TMCC1: variants seen among roughly 807,000 people sequenced by gnomAD.
TMCC1 encodes the protein transmembrane and coiled-coil domain family 1.
TMCC1 carries 15 observed loss-of-function variants against 52.4 expected under a neutral mutation model. The ratio of observed to expected loss-of-function variants is 0.29; its 90% CI spans 0.19 to 0.44. TMCC1 has a LOEUF of 0.44. Ranked by LOEUF, TMCC1 falls within the 20% of genes least tolerant of loss-of-function variation. The probability of loss-of-function intolerance (pLI) is 1.00; values close to 1 mark genes in which losing one functional copy is unlikely to be tolerated. For missense variants in TMCC1, 503 were observed against 806.0 expected (o/e 0.62, Z 4.55); for synonymous variants, 279 against 301.9 (o/e 0.92, Z 0.79).
chr3:129,688,122 A>G, intron 4 of TMCC1: 2 of 982,976 alleles, frequency 2.0e-6, no homozygotes, highest in Non-Finnish European at 2.4e-6. Context: ...AATTCCATAC[A>G]GCTGATATAG....
At chr3:129,841,400 A>G (rs1382467645) in intron 2 of TMCC1, among the ~76,000 whole-genome samples, 1 of 152,202 alleles carries the variant, frequency 6.6e-6, no homozygotes, top group African/African-American at 2.4e-5. Flanking sequence ...CAATCTGGCC[A>G]ATATGGTGAA....
chr3:129,853,363 A>ACCTGT (rs543758219), intron 2 of TMCC1, among the ~76,000 whole-genome samples: 151 of 152,296 alleles, frequency 9.9e-4, no homozygotes, highest in African/African-American at 3.4e-3. Flanking sequence ...GATGGCTCAT[A>ACCTGT]CCTGTAATTC....
At chr3:129,843,285 T>C (rs764201110) in intron 2 of TMCC1, among the ~76,000 whole-genome samples, 11 of 151,886 alleles carry the variant, frequency 7.2e-5, no homozygotes, top group Non-Finnish European at 1.6e-4. Context: ...AGGCGGAGCT[T>C]GCAGTGAGCC....
intron 2 of TMCC1, among the ~76,000 whole-genome samples, chr3:129,835,671 T>A (rs2059127273): frequency 6.6e-6 from 1 of 152,156 alleles, no homozygotes; most frequent in African/African-American, 2.4e-5. Context: ...AAATCCAAAG[T>A]GCAGAACCAT....
chr3:129,872,089 A>T (rs1374448760), intron 2 of TMCC1, among the ~76,000 whole-genome samples: 3 of 152,252 alleles, frequency 2.0e-5, no homozygotes, highest in Non-Finnish European at 4.4e-5. Flanking sequence ...CCTTTTCTTC[A>T]GAGCACCAGT....
chr3:129,834,282 T>C (rs562266420), intron 2 of TMCC1, among the ~76,000 whole-genome samples: 1 of 152,260 alleles, frequency 6.6e-6, no homozygotes, highest in South Asian at 2.1e-4. Flanking sequence ...AGATGGACCA[T>C]ACTGGTGGAT....
chr3:129,723,383 C>A (rs1274463313), intron 4 of TMCC1, among the ~76,000 whole-genome samples: 1 of 133,024 alleles, frequency 7.5e-6, no homozygotes, highest in African/African-American at 2.9e-5. Context: ...TTTTTTTGGC[C>A]ACCTAGATCC....
chr3:129,743,935 TA>T (rs748095065), intron 4 of TMCC1, among the ~76,000 whole-genome samples: 415 of 141,274 alleles, frequency 2.9e-3, no homozygotes, highest in Middle Eastern at 7.1e-3. Context: ...TGCACTTGTT[TA>T]AAAAAAAAAA....
In TMCC1 at chr3:129,758,784, A is replaced by T. The variant is rs149320640; in HGVS notation, c.576+69019T>A. Among the ~76,000 whole-genome samples, 875 of 152,272 alleles carry T rather than the reference A, an allele frequency of 5.7e-3. 8 individuals are homozygous for T. Among genetic ancestry groups the T allele is most frequent in the Middle Eastern group, 0.014 (4 of 294 alleles). On this transcript the variant is annotated intron_variant, in intron 4 of 6. Coordinates refer to ENST00000393238, the MANE Select transcript of TMCC1 (RefSeq NM_001017395.5). ...GCAAACAGAGTTCTGGAATTTTCTC[A>T]TCTTACAAAACTGAAACTCTATACC... is the stretch of plus-strand genomic sequence containing the variant.
intron 4 of TMCC1, among the ~76,000 whole-genome samples, chr3:129,789,644 C>T (rs981950384): frequency 6.6e-6 from 1 of 152,124 alleles, no homozygotes; most frequent in African/African-American, 2.4e-5. Flanking sequence ...CCATGCCCGG[C>T]TAATTTTTTG....
intron 2 of TMCC1, among the ~76,000 whole-genome samples, chr3:129,873,289 G>A (rs1254694313): frequency 1.3e-5 from 2 of 151,286 alleles, no homozygotes; most frequent in Non-Finnish European, 2.9e-5. Context: ...ACTAACACTG[G>A]TTGTCTTAAT....
chr3:129,792,387 A>T (rs764054184), intron 4 of TMCC1, among the ~76,000 whole-genome samples: 1 of 151,854 alleles, frequency 6.6e-6, no homozygotes, highest in Non-Finnish European at 1.5e-5. Context: ...TCGCTCTGTC[A>T]CCCAGGCTGG....
At chr3:129,758,635 G>T (rs1325195633) in intron 4 of TMCC1, among the ~76,000 whole-genome samples, 2 of 152,132 alleles carry the variant, frequency 1.3e-5, no homozygotes, top group African/African-American at 2.4e-5. Flanking sequence ...TTCCTTTTAT[G>T]TCTTCCCAAA....
Position 129,828,467 on chromosome 3 carries a change from G to C in TMCC1, c.-89C>G. The C allele has an allele frequency of 7.9e-7, 1 of 1,268,066 alleles. No homozygotes were observed. The highest frequency in any genetic ancestry group is 1.4e-5 in the South Asian group (1 of 71,852). 78.6% of individuals were successfully genotyped at this position (1,268,066 alleles called of 1,614,324 possible). On this transcript the variant is annotated 5_prime_UTR_variant, in exon 4 of 7. Coordinates refer to ENST00000393238, the MANE Select transcript of TMCC1 (RefSeq NM_001017395.5). This position sits in a 1 kb window ranked among gnomAD's most constrained non-coding sequence, Gnocchi z 4.1. The stretch of plus-strand genomic sequence containing the variant: ...AATTAGGTAGGCATTTGCTTCAACA[G>C]TGACTACGCATGCAGCTGTGAGACG...
At chr3:129,757,147 A>G (rs1017458333) in intron 4 of TMCC1, among the ~76,000 whole-genome samples, 10 of 152,174 alleles carry the variant, frequency 6.6e-5, no homozygotes, top group South Asian at 2.1e-4. Flanking sequence ...AGTCATACAA[A>G]TAAGTTTCCC....
rs369986391 is a variant in TMCC1 at position 129,760,068 on chromosome 3, A to G, written c.576+67735T>C. ...TAGATTTTATTTTTTAGAATAGTTT[A>G]AGGTTTACAGAAAAACTGGAGAGAT... On this transcript the variant is annotated intron_variant, in intron 4 of 6. Coordinates refer to ENST00000393238, the MANE Select transcript of TMCC1 (RefSeq NM_001017395.5). Among the ~76,000 whole-genome samples, 7 of 151,442 alleles carry G rather than the reference A, an allele frequency of 4.6e-5. No individual in the cohort carries two copies. In the East Asian group the frequency reaches 1.4e-3, roughly 29 times the overall value.
In TMCC1 at chr3:129,763,207, AAAATAAATAAATAAAT is replaced by A. The variant is rs201181579; in HGVS notation, c.576+64580_576+64595del. Among the ~76,000 whole-genome samples the A allele has an allele frequency of 6.3e-4, 83 of 131,376 alleles. 3 individuals are homozygous for A. The highest frequency in any genetic ancestry group is 1.7e-3 in the African/African-American group (50 of 29,408). The allele number at this position is 131,376 out of a possible 152,430, so 86.2% of individuals were successfully genotyped here. ...AGCAAGACTCTGTCTCAAAAAATAA[AAAATAAATAAATAAAT>A]AAATAAATAAATAAATAAATAAATA... On this transcript the variant is annotated intron_variant, in intron 4 of 6. Coordinates refer to ENST00000393238, the MANE Select transcript of TMCC1 (RefSeq NM_001017395.5).
chr3:129,651,645 G>A lies in TMCC1; in HGVS notation c.1798C>T (p.Leu600Phe). ...GCTACAGTGGAGACAAAGACCAAAA[G>A]GACTGCCATGACAGCCAGGAGGATG... ...INILLAVMAV[L>F]LVFVSTVANC... is the part of the protein sequence containing the mutation. Residue 600 changes from leucine (L) to phenylalanine (F), a missense_variant, in exon 7 of 7, where the codon CTT (leucine) becomes TTT (phenylalanine). Leu to Phe is a conservative substitution (Grantham distance 22, BLOSUM62 0). Transcript: ENST00000393238. This position sits in a 1 kb window ranked among gnomAD's most constrained non-coding sequence, Gnocchi z 5.1. 1 of 1,614,244 alleles carries A rather than the reference G, an allele frequency of 6.2e-7. No individual in the cohort carries two copies. Among genetic ancestry groups the A allele is most frequent in the African/African-American group, 1.3e-5 (1 of 75,068 alleles).
At chr3:129,761,126 C>T (rs1415784157) in intron 4 of TMCC1, among the ~76,000 whole-genome samples, 1 of 151,454 alleles carries the variant, frequency 6.6e-6, no homozygotes, top group Non-Finnish European at 1.5e-5. Context: ...GGGATCGAGA[C>T]CATCCTGGCT....
Sources: gnomAD v4.1 joint callset for allele counts (sites outside exome capture counted in the v4.1 genomes callset) on GRCh38, gnomAD v4.1.1 for gene constraint, Gnocchi (gnomAD v3.1) non-coding constraint, MANE v1.5 for transcripts, NCBI Gene and HGNC (gene_info 2026-07-23, HGNC 2026-07-21) for gene names.